PIEZO1: variants seen among roughly 807,000 people sequenced by gnomAD.
PIEZO1 encodes piezo-type mechanosensitive ion channel component 1.
Under a neutral mutation model 297.2 loss-of-function variants are expected in PIEZO1, and 296 were observed. The ratio of observed to expected loss-of-function variants is 1.00; its 90% CI spans 0.91 to 1.10. The LOEUF (loss-of-function observed/expected upper bound fraction) is 1.10, where lower values mean the gene tolerates loss of function less well. PIEZO1 is among the 50% of genes least tolerant of loss of function. The pLI is 0.00. For synonymous variants in PIEZO1, 2,427 were observed against 1,507.5 expected (o/e 1.61, Z -14.13); for missense variants, 5,018 against 3,455.5 (o/e 1.45, Z -11.34).
chr16:88,782,869 G>T (rs183203084), intron 1 of PIEZO1, among the ~76,000 whole-genome samples: 4 of 152,174 alleles, frequency 2.6e-5, no homozygotes, highest in Non-Finnish European at 4.4e-5. Flanking sequence ...AGGGTTCTTG[G>T]CCGGCTCCAC....
chr16:88,715,920 G>A lies in PIEZO1; in HGVS notation c.7316+13C>T. The stretch of plus-strand genomic sequence containing the variant: ...CCCCGAGCTGCGGGGTGCCCCCCCA[G>A]CCACTCACTCACCCGTAGCCAGCCA... On this transcript the variant is annotated intron_variant, in intron 50 of 50. Coordinates refer to ENST00000301015, the MANE Select transcript of PIEZO1 (RefSeq NM_001142864.4). 1.3e-6 allele frequency: 2 copies of A among 1,546,850 alleles called. No homozygotes were observed. Among genetic ancestry groups the A allele is most frequent in the Admixed American group, 2.0e-5 (1 of 50,914 alleles).
At chr16:88,732,300 C>T (rs1023432855) in intron 21 of PIEZO1, 35 bp downstream of exon 21, 32 of 1,525,830 alleles carry the variant, frequency 2.1e-5, no homozygotes, top group Non-Finnish European at 2.8e-5. Flanking sequence ...GAAGGCCAAG[C>T]CCTGCCCCAG....
intron 1 of PIEZO1, among the ~76,000 whole-genome samples, chr16:88,781,432 G>A (rs981180007): frequency 1.3e-5 from 2 of 152,320 alleles, no homozygotes; most frequent in South Asian, 2.1e-4. Flanking sequence ...CCCCAAACAC[G>A]CACACATGTG....
Position 88,737,735 on chromosome 16 carries a change from G to A in PIEZO1, c.1100C>T (p.Ser367Phe). ...ELDQWPQERE[S>F]DQHVVPTAPD... ...ACCTGCCTGGCTGCTCACCTGGTCA[G>A]ACTCCCGTTCCTGGGGCCACTGGTC... is the stretch of plus-strand genomic sequence containing the variant. Residue 367 changes from serine to phenylalanine, a missense_variant, in exon 9 of 51, where the codon TCT becomes TTT. Physicochemically the swap from Ser to Phe is radical, Grantham distance 155. Coordinates refer to ENST00000301015, the MANE Select transcript of PIEZO1 (RefSeq NM_001142864.4). The A allele has an allele frequency of 2.0e-6, 3 of 1,535,534 alleles. No homozygotes were observed. The highest frequency in any genetic ancestry group is 2.6e-6 in the Non-Finnish European group (3 of 1,146,598).
At position 88,734,074 on chromosome 16, in the gene PIEZO1, TG is replaced by T. The variant is rs773013406; in HGVS notation, c.2181-21del. ...TCCTGCCTGGGAGAGGGTCCGAAAA[TG>T]TCATCTCCCAACTGGGTTCCTGCCC... is the stretch of plus-strand genomic sequence containing the variant. On this transcript the variant is annotated intron_variant, in intron 16 of 50. Coordinates refer to ENST00000301015, the MANE Select transcript of PIEZO1 (RefSeq NM_001142864.4). 36 of 1,488,194 alleles carry T rather than the reference TG, an allele frequency of 2.4e-5. No individual in the cohort carries two copies. Among genetic ancestry groups the T allele is most frequent in the Non-Finnish European group, 3.2e-5 (36 of 1,110,104 alleles). The allele number at this position is 1,488,194 out of a possible 1,614,324, so 92.2% of individuals were successfully genotyped here.
Position 88,716,663 on chromosome 16 carries a change from G to A in PIEZO1, c.6822C>T (p.Ser2274=), listed in dbSNP as rs35686439. 2.0e-3 allele frequency: 3,081 copies of A among 1,549,250 alleles called. 10 individuals carry two copies. Among genetic ancestry groups the A allele is most frequent in the Middle Eastern group, 7.5e-3 (45 of 5,992 alleles). Residue 2274 remains serine (S), a synonymous_variant, in exon 47 of 51, where the codon TCC becomes TCT. Transcript: ENST00000301015. ...DIVTAQIEGS[S]GALWRISPPS... ...GGGGACTGATGCGCCACAGCGCCCC[G>A]GAGCTGCCCTCAATCTGCGCCGTGA...
chr16:88,734,714 A>G lies in PIEZO1; in HGVS notation c.1933T>C (p.Tyr645His), dbSNP rs1905088491. ...AYTMLVLIAV[Y>H]TFQFQDFPAY... ...GGGAAGTCCTGGAACTGGAAGGTGT[A>G]GACGGCGATGAGGACCAGCATGGTG... The change falls in exon 15 of 51, where the codon TAC becomes CAC. Residue 645 changes from tyrosine to histidine, a missense_variant. Transcript: ENST00000301015. The G allele has an allele frequency of 1.3e-6, 2 of 1,550,250 alleles. No individual in the cohort carries two copies. Among genetic ancestry groups the G allele is most frequent in the African/African-American group, 1.4e-5 (1 of 73,070 alleles).
intron 2 of PIEZO1, chr16:88,744,437 G>C (rs1905905978): frequency 6.6e-6 from 1 of 152,052 alleles, no homozygotes; most frequent in South Asian, 2.1e-4. Flanking sequence ...CGGGCACTGA[G>C]AGGACATCTG....
intron 1 of PIEZO1, among the ~76,000 whole-genome samples, chr16:88,770,396 A>G (rs1482194138): frequency 6.6e-6 from 1 of 152,142 alleles, no homozygotes; most frequent in African/African-American, 2.4e-5. Flanking sequence ...AGGAGTCTGC[A>G]GTTCCTGTCT....
rs1027503402 is a variant in PIEZO1 at position 88,737,788 on chromosome 16, C to T, written c.1047G>A (p.Glu349=). The change falls in exon 9 of 51, where the codon GAG becomes GAA. Residue 349 remains glutamate, a synonymous_variant. Coordinates refer to ENST00000301015, the MANE Select transcript of PIEZO1 (RefSeq NM_001142864.4). Reference sequence around the variant, plus strand: ...GCTCTGCTAGCTCCAGCTCCCGAGCCTCATACCCCTTTGCCGCCTCCTTCC... The same window carrying T: ...GCTCTGCTAGCTCCAGCTCCCGAGCTTCATACCCCTTTGCCGCCTCCTTCC... ...GQRKEAAKGY[E]ARELELAELD... The T allele has an allele frequency of 2.2e-5, 34 of 1,535,722 alleles. No individual in the cohort carries two copies. The highest frequency in any genetic ancestry group is 2.9e-5 in the Non-Finnish European group (33 of 1,146,750).
Position 88,731,849 on chromosome 16 carries a change from T to C in PIEZO1, c.3053A>G (p.His1018Arg), listed in dbSNP as rs1904836816. Residue 1018 changes from histidine to arginine, a missense_variant, in exon 22 of 51, where the codon CAC becomes CGC. Physicochemically the swap from His to Arg is conservative, Grantham distance 29. Transcript: ENST00000301015. ...GQRMNFLVTL[H>R]GCWLVAILTR... ...GAGGATGGCCACCAGCCAGCAACCG[T>C]GCAGGGTCACCAGAAAGTTCATGCG... is the stretch of plus-strand genomic sequence containing the variant. 51 of 1,135,584 alleles carry C rather than the reference T, an allele frequency of 4.5e-5. No homozygotes were observed. The highest frequency in any genetic ancestry group is 5.5e-5 in the Non-Finnish European group (50 of 908,494). 70.3% of individuals were successfully genotyped at this position (1,135,584 alleles called of 1,614,324 possible). A position where few individuals can be genotyped will look rare whatever the true frequency, so the allele number is the denominator to read the frequency against.
Position 88,733,748 on chromosome 16 carries a change from G to A in PIEZO1, c.2330-3C>T, listed in dbSNP as rs1488918267. The A allele has an allele frequency of 7.1e-6, 11 of 1,540,884 alleles. No homozygotes were observed. Among genetic ancestry groups the A allele is most frequent in the Non-Finnish European group, 9.6e-6 (11 of 1,141,964 alleles). The stretch of plus-strand genomic sequence containing the variant: ...CACCAGGCCCCACTTGGCTGCCCCT[G>A]TGATGGTGTGAGGGTCAGTGCGGGG... On this transcript the variant is annotated splice_polypyrimidine_tract_variant and splice_region_variant and intron_variant, in intron 17 of 50. Transcript: ENST00000301015.
At chr16:88,727,685 G>C in intron 22 of PIEZO1, 24 bp from the exon 23 acceptor site, 1 of 1,261,982 alleles carries the variant, frequency 7.9e-7, no homozygotes, top group Non-Finnish European at 1.1e-6. Context: ...TGTCATGTCA[G>C]GAAGGGCCGG....
At chr16:88,724,589 G>A (rs1052711177) in intron 30 of PIEZO1, among the ~76,000 whole-genome samples, 5 of 151,942 alleles carry the variant, frequency 3.3e-5, no homozygotes, top group African/African-American at 1.2e-4. Context: ...AGTTACTTGG[G>A]AGGCTGAGGC....
chr16:88,732,237 C>A lies in PIEZO1; in HGVS notation c.2991+98G>T, dbSNP rs1904900833. On this transcript the variant is annotated intron_variant, in intron 21 of 50. Transcript: ENST00000301015. ...CCCACCCTCTGTGGCCCAGGCAAAC[C>A]CAGGTGGGGCCAGGCTTGCGGTGCC... 6.4e-6 allele frequency: 7 copies of A among 1,099,936 alleles called. No individual in the cohort carries two copies. In the African/African-American group the frequency reaches 7.8e-5, roughly 12 times the overall value. The allele number at this position is 1,099,936 out of a possible 1,614,324, so 68.1% of individuals were successfully genotyped here. A position where few individuals can be genotyped will look rare whatever the true frequency, so the allele number is the denominator to read the frequency against.
chr16:88,770,011 C>A (rs369105926), intron 1 of PIEZO1, among the ~76,000 whole-genome samples: 1 of 152,200 alleles, frequency 6.6e-6, no homozygotes, highest in East Asian at 1.9e-4. Context: ...GGGACCCCCA[C>A]GCCTCTGCCC....
At chr16:88,732,177 A>C (rs1904894961) in intron 21 of PIEZO1, among the ~76,000 whole-genome samples, 158 bp downstream of exon 21, 1 of 151,940 alleles carries the variant, frequency 6.6e-6, no homozygotes, top group Admixed American at 6.5e-5. Flanking sequence ...GACACACCAC[A>C]GGAGTCCAGG....
rs955551496 is a variant in PIEZO1, at chr16:88,731,629, G to C, written c.3196+77C>G. 4 of 1,142,058 alleles carry C rather than the reference G, an allele frequency of 3.5e-6. No individual in the cohort carries two copies. In the African/African-American group the frequency reaches 6.1e-5, roughly 18 times the overall value. 70.7% of individuals were successfully genotyped at this position (1,142,058 alleles called of 1,614,324 possible). On this transcript the variant is annotated intron_variant, in intron 22 of 50. Coordinates refer to ENST00000301015, the MANE Select transcript of PIEZO1 (RefSeq NM_001142864.4). ...AGTCTAGGAGGGTGGACAGGAGTCT[G>C]GGGCAGGCGGGAAACACCCCCACGG...
chr16:88,717,472 C>T (rs755254144), intron 44 of PIEZO1: 10 of 598,876 alleles, frequency 1.7e-5, no homozygotes, highest in African/African-American at 1.8e-5. Context: ...CAACACGGTG[C>T]AGGCACCGCC....
Sources: gnomAD v4.1 joint callset for allele counts (sites outside exome capture counted in the v4.1 genomes callset) on GRCh38, gnomAD v4.1.1 for gene constraint, MANE v1.5 for transcripts, NCBI Gene and HGNC (gene_info 2026-07-23, HGNC 2026-07-21) for gene names.